CHST10: variants seen among roughly 807,000 people sequenced by gnomAD.
The protein encoded by CHST10 is HNK-1 sulfotransferase.
A neutral mutation model predicts 34.7 loss-of-function variants in CHST10; 24 were observed. The observed-to-expected ratio is 0.69, with a 90% CI of 0.50 to 0.97. The LOEUF is 0.97. CHST10 is among the 50% of genes least tolerant of loss of function. CHST10 has a pLI of 0.00. For synonymous variants in CHST10, 161 were observed against 169.3 expected (o/e 0.95, Z 0.38); for missense variants, 402 against 452.1 (o/e 0.89, Z 1.00).
intron 2 of CHST10, chr2:100,408,234 T>C (rs1209694118): frequency 1.3e-5 from 2 of 151,054 alleles, no homozygotes; most frequent in African/African-American, 5.0e-5. Context: ...CCGAGTGTAC[T>C]GTAGTTTATC....
intron 4 of CHST10, among the ~76,000 whole-genome samples, chr2:100,401,295 C>T (rs1226386108): frequency 6.6e-6 from 1 of 152,174 alleles, no homozygotes; most frequent in Non-Finnish European, 1.5e-5. Context: ...TAAAAATATA[C>T]CTCAGAGGGC....
In CHST10 at chr2:100,398,036, A is replaced by T. The variant is rs1299421666; in HGVS notation, c.299T>A (p.Leu100His). 18 of 1,614,046 alleles carry T rather than the reference A, an allele frequency of 1.1e-5. No individual in the cohort carries two copies. The highest frequency in any genetic ancestry group is 1.5e-5 in the Non-Finnish European group (18 of 1,180,040). ...NVCRDDALKN[L>H]SHTPVSKFVL... is the part of the protein sequence containing the mutation. Reference sequence around the variant, plus strand: ...AAACTTGGAGACAGGAGTGTGCGAGAGATTCTTCAGGGCATCATCCCTGCA... The same window carrying T: ...AAACTTGGAGACAGGAGTGTGCGAGTGATTCTTCAGGGCATCATCCCTGCA... The change falls in exon 5 of 7, where the codon CTC (leucine) becomes CAC (histidine). Residue 100 changes from leucine (L) to histidine (H), a missense_variant. Leu to His is a moderately conservative substitution (Grantham distance 99). Coordinates refer to ENST00000264249, the MANE Select transcript of CHST10 (RefSeq NM_004854.5).
chr2:100,407,291 G>A (rs1675620738), intron 2 of CHST10, among the ~76,000 whole-genome samples: 1 of 152,198 alleles, frequency 6.6e-6, no homozygotes, highest in Admixed American at 6.5e-5. Flanking sequence ...CACTGAGGTG[G>A]GTGTTTTTCA....
chr2:100,397,649 G>C (rs1328917027), intron 5 of CHST10, among the ~76,000 whole-genome samples: 1 of 152,220 alleles, frequency 6.6e-6, no homozygotes, highest in African/African-American at 2.4e-5. Context: ...GCCACCTAAA[G>C]TGAGGATCTG....
rs1260441497 is a variant in CHST10 at position 100,406,651 on chromosome 2, CCAG to C, written c.22_24del (p.Leu8del). On this transcript the variant is annotated inframe_deletion, in exon 3 of 7. Transcript: ENST00000264249. Reference sequence around the variant, plus strand: ...ATGAAAATCACCCAAAAGCATGCGGCCAGCAGAAGCCACTGGTGGTGCATGTTG... The same window carrying C: ...ATGAAAATCACCCAAAAGCATGCGGCCAGAAGCCACTGGTGGTGCATGTTG... 2 of 1,614,188 alleles carry C rather than the reference CCAG, an allele frequency of 1.2e-6. No homozygotes were observed. The highest frequency in any genetic ancestry group is 2.7e-5 in the African/African-American group (2 of 75,034).
intron 2 of CHST10, 27 bp downstream of exon 2, chr2:100,415,014 G>T: frequency 7.8e-7 from 1 of 1,287,798 alleles, no homozygotes; most frequent in Non-Finnish European, 1.0e-6. Context: ...TCAAATAACT[G>T]ATGAGCTCAC....
In CHST10 at chr2:100,393,802, A is replaced by G; in HGVS notation, c.534-20T>C. ...TTCAATCTAAGGAAAAAAACGAACA[A>G]GAGGTTAACTTGATGCCACAGGAGG... On this transcript the variant is annotated intron_variant, in intron 6 of 6. Coordinates refer to ENST00000264249, the MANE Select transcript of CHST10 (RefSeq NM_004854.5). 6.3e-7 allele frequency: 1 copy of G among 1,594,416 alleles called. No individual in the cohort carries two copies. The highest frequency in any genetic ancestry group is 1.1e-5 in the South Asian group (1 of 90,472).
chr2:100,409,625 A>G (rs1250908399), intron 2 of CHST10, among the ~76,000 whole-genome samples: 5 of 151,432 alleles, frequency 3.3e-5, no homozygotes, highest in Non-Finnish European at 1.5e-5. Flanking sequence ...GAGGTCAGGG[A>G]CTGGTCTACA....
chr2:100,404,949 C>A (rs556504342), intron 3 of CHST10, among the ~76,000 whole-genome samples: 1 of 152,324 alleles, frequency 6.6e-6, no homozygotes, highest in East Asian at 1.9e-4. Flanking sequence ...CAGCTAGGAT[C>A]TACCACTGTG....
intron 3 of CHST10, among the ~76,000 whole-genome samples, chr2:100,405,883 C>T (rs1675550626): frequency 6.6e-6 from 1 of 152,198 alleles, no homozygotes; most frequent in African/African-American, 2.4e-5. Flanking sequence ...ATATCCAGCA[C>T]TCCACAGACC....
rs775577126 is a variant in CHST10, at chr2:100,402,654, C to T, written c.102G>A (p.Val34=). 7 of 1,613,426 alleles carry T rather than the reference C, an allele frequency of 4.3e-6. No individual in the cohort carries two copies. Among genetic ancestry groups the T allele is most frequent in the African/African-American group, 2.7e-5 (2 of 74,890 alleles). Reference sequence around the variant, plus strand: ...ACAGAAACTCCTGTTTGGCACTGTACACTGGAAGACAGAGAGGTTGAATGT... The same window carrying T: ...ACAGAAACTCCTGTTTGGCACTGTATACTGGAAGACAGAGAGGTTGAATGT... ...FITLTFKDPD[V]YSAKQEFLFL... Residue 34 remains valine, a splice_region_variant and synonymous_variant, in exon 4 of 7, where the codon GTG becomes GTA. Coordinates refer to ENST00000264249, the MANE Select transcript of CHST10 (RefSeq NM_004854.5).
chr2:100,394,745 A>G (rs1477549115), intron 6 of CHST10, among the ~76,000 whole-genome samples: 1 of 145,358 alleles, frequency 6.9e-6, no homozygotes, highest in Non-Finnish European at 1.5e-5. Flanking sequence ...TTTTTTTGAG[A>G]CAGAGTCTTG....
chr2:100,414,541 A>G (rs1675984357), intron 2 of CHST10, among the ~76,000 whole-genome samples: 1 of 152,216 alleles, frequency 6.6e-6, no homozygotes, highest in South Asian at 2.1e-4. Context: ...TCATTAAATT[A>G]CAACTCCATA....
intron 2 of CHST10, chr2:100,407,862 G>C (rs1044023939): frequency 6.6e-6 from 1 of 152,116 alleles, no homozygotes; most frequent in Non-Finnish European, 1.5e-5. Flanking sequence ...ATAAGGCTTC[G>C]TGTGTTTCCT....
intron 3 of CHST10, 138 bp downstream of exon 3, chr2:100,406,438 G>C: frequency 1.9e-6 from 2 of 1,057,778 alleles, no homozygotes; most frequent in South Asian, 3.1e-5. Context: ...AAGGAACGGA[G>C]GCCATGACCT....
chr2:100,405,355 C>G lies in CHST10; in HGVS notation c.100+1221G>C, dbSNP rs186518700. Reference sequence around the variant, plus strand: ...ATGAGGCAGGACATGTGATGACAGCCAATCAGGGCCCAACAACTGTCATGG... The same window carrying G: ...ATGAGGCAGGACATGTGATGACAGCGAATCAGGGCCCAACAACTGTCATGG... On this transcript the variant is annotated intron_variant, in intron 3 of 6. Coordinates refer to ENST00000264249, the MANE Select transcript of CHST10 (RefSeq NM_004854.5). Among the ~76,000 whole-genome samples, 558 of 152,294 alleles carry G rather than the reference C, an allele frequency of 3.7e-3. 2 individuals carry two copies. The highest frequency in any genetic ancestry group is 6.6e-3 in the South Asian group (32 of 4,820).
rs754444509 is a variant in CHST10, at chr2:100,402,564, C to T, written c.192G>A (p.Lys64=). 3 of 1,613,404 alleles carry T rather than the reference C, an allele frequency of 1.9e-6. No homozygotes were observed. In the South Asian group the frequency reaches 3.3e-5, roughly 18 times the overall value. ...PEEKHIPEEL[K]PTGKELPDSQ... is the part of the protein sequence containing the mutation. The stretch of plus-strand genomic sequence containing the variant: ...AGGACCACGGCCTGGCTGTGCCCAC[C>T]TTCAGTTCCTCAGGAATGTGCTTCT... The change falls in exon 4 of 7, where the codon AAG becomes AAA. Residue 64 remains lysine, a splice_region_variant and synonymous_variant. Transcript: ENST00000264249.
rs1280737633 is a variant in CHST10, at chr2:100,393,531, T to TA, written c.784_785insT (p.His262LeufsTer13). 1 of 1,613,976 alleles carries TA rather than the reference T, an allele frequency of 6.2e-7. No individual in the cohort carries two copies. The highest frequency in any genetic ancestry group is 2.2e-5 in the East Asian group (1 of 44,866). ...ACAGAGCTCTACATACGTCACCCAG[T>TA]GAATGATGTGGTCCCCAAACTGAAG... On this transcript the variant is annotated frameshift_variant, in exon 7 of 7. Coordinates refer to ENST00000264249, the MANE Select transcript of CHST10 (RefSeq NM_004854.5). LOFTEE classifies it high-confidence loss of function.
intron 2 of CHST10, among the ~76,000 whole-genome samples, chr2:100,410,725 G>A (rs1184112649): frequency 1.3e-5 from 2 of 152,164 alleles, no homozygotes; most frequent in Non-Finnish European, 2.9e-5. Context: ...AGTATTATTT[G>A]AAAACAAAAT....
Sources: gnomAD v4.1 joint callset for allele counts (sites outside exome capture counted in the v4.1 genomes callset) on GRCh38, gnomAD v4.1.1 for gene constraint, MANE v1.5 for transcripts, NCBI Gene and HGNC (gene_info 2026-07-23, HGNC 2026-07-21) for gene names.